Variants in MAN1B1 observed in about 807,000 individuals in gnomAD.
MAN1B1 encodes the protein endoplasmic reticulum mannosyl-oligosaccharide 1,2-alpha-mannosidase.
Under a neutral mutation model 75.5 loss-of-function variants are expected in MAN1B1, and 66 were observed. That is an observed-to-expected ratio of 0.87 (90% CI 0.72 to 1.07). The LOEUF is 1.07. Ranked by LOEUF, MAN1B1 falls within the 50% of genes least tolerant of loss-of-function variation. The pLI, the probability that MAN1B1 is intolerant of heterozygous loss-of-function variation, is 0.00. For missense variants in MAN1B1, 973 were observed against 912.5 expected (o/e 1.07, Z -0.85); for synonymous variants, 453 against 382.8 (o/e 1.18, Z -2.14).
chr9:137,104,541 C>T (rs866228576), intron 8 of MAN1B1: 22 of 183,190 alleles, frequency 1.2e-4, no homozygotes, highest in Admixed American at 2.7e-4. Context: ...CTGATTTATC[C>T]TTTTATTTGG....
intron 12 of MAN1B1, 74 bp from the exon 13 acceptor site, chr9:137,108,314 A>G (rs1438368666): frequency 7.7e-7 from 1 of 1,303,042 alleles, no homozygotes; most frequent in African/African-American, 1.5e-5. Context: ...TGGGGTGGAG[A>G]GCGCTTCGGT....
intron 8 of MAN1B1, chr9:137,103,246 G>C (rs1371037554): frequency 4.7e-6 from 2 of 424,806 alleles, no homozygotes; most frequent in Non-Finnish European, 4.6e-6. Context: ...TGTTGCAGGC[G>C]TGCAGGTCGG....
At chr9:137,102,554 A>C in intron 8 of MAN1B1, 1 of 352,244 alleles carries the variant, frequency 2.8e-6, no homozygotes, top group Non-Finnish European at 5.8e-6. Flanking sequence ...GGTGTTACAC[A>C]CATTCACGCT....
chr9:137,098,071 G>GTC, intron 5 of MAN1B1, 134 bp downstream of exon 5: 1 of 685,130 alleles, frequency 1.5e-6, no homozygotes, highest in Non-Finnish European at 2.6e-6. Context: ...TCCCCCTGTT[G>GTC]TCTGAGTCCT....
At chr9:137,091,558 CCT>C (rs1374994382) in intron 3 of MAN1B1, among the ~76,000 whole-genome samples, 1 of 119,788 alleles carries the variant, frequency 8.3e-6, no homozygotes, top group Non-Finnish European at 1.7e-5. Flanking sequence ...ACAGAGTCTT[CCT>C]CTGTTTCCCA....
chr9:137,106,886 A>AAGG, intron 10 of MAN1B1, 77 bp downstream of exon 10: 1 of 1,376,024 alleles, frequency 7.3e-7, no homozygotes. Context: ...ATGATGTCAA[A>AAGG]AAGAACGAAA....
rs76964626 is a variant in MAN1B1 at position 137,107,892 on chromosome 9, C to T, written c.1896+230C>T. 625 of 659,650 alleles carry T rather than the reference C, an allele frequency of 9.5e-4. 4 individuals are homozygous for T. In the African/African-American group the frequency reaches 0.011, roughly 11 times the overall value. 40.9% of individuals were successfully genotyped at this position (659,650 alleles called of 1,614,324 possible). ...CAGAGTACTTGGAGGGGCTGGGCAC[C>T]CCTCATTTTCATTTCTCAGGGCCTG... On this transcript the variant is annotated intron_variant, in intron 12 of 12. Transcript: ENST00000371589.
chr9:137,091,521 A>ATTTTTTTTTTTTTTT (rs964752016), intron 3 of MAN1B1, among the ~76,000 whole-genome samples: 51 of 89,868 alleles, frequency 5.7e-4, no homozygotes, highest in East Asian at 1.1e-3. Flanking sequence ...TTTGTTTTAT[A>ATTTTTTTTTTTTTTT]TTTTTTTTTT....
intron 8 of MAN1B1, chr9:137,103,401 G>T: frequency 4.4e-6 from 2 of 453,386 alleles, no homozygotes; most frequent in Non-Finnish European, 8.9e-6. Context: ...CAGGCGTGCA[G>T]GTCGGTGGTG....
rs1588651474 is a variant in MAN1B1, at chr9:137,106,406, T to A, written c.1445+91T>A. The A allele has an allele frequency of 1.3e-5, 16 of 1,190,032 alleles. No homozygotes were observed. The African/African-American group carries it at 1.8e-4, about 13-fold the overall frequency. 73.7% of individuals were successfully genotyped at this position (1,190,032 alleles called of 1,614,324 possible). On this transcript the variant is annotated intron_variant, in intron 9 of 12. Coordinates refer to ENST00000371589, the MANE Select transcript of MAN1B1 (RefSeq NM_016219.5). ...TGCCCCCAGCTCCCACGGCCCCCGC[T>A]CCTGCTGCCCCCCGCCACACTGTGT...
chr9:137,104,259 A>G, intron 8 of MAN1B1: 1 of 363,248 alleles, frequency 2.8e-6, no homozygotes, highest in South Asian at 2.1e-5. Context: ...TTGTTGAGAC[A>G]GAGTCTCATT....
chr9:137,088,365 T>C (rs778258651), intron 2 of MAN1B1, 182 bp downstream of exon 2: 53 of 1,591,308 alleles, frequency 3.3e-5, no homozygotes, highest in Non-Finnish European at 3.9e-5. Context: ...AGATGTTAAT[T>C]TGATGCTGTC....
chr9:137,098,068 G>A (rs1830706089), intron 5 of MAN1B1, 131 bp downstream of exon 5: 3 of 690,366 alleles, frequency 4.3e-6, no homozygotes, highest in Non-Finnish European at 7.7e-6. Context: ...GCATCCCCCT[G>A]TTGTCTGAGT....
In MAN1B1 at chr9:137,107,346, A is replaced by G; in HGVS notation, c.1663A>G (p.Thr555Ala). 6.2e-7 allele frequency: 1 copy of G among 1,613,218 alleles called. No homozygotes were observed. The highest frequency in any genetic ancestry group is 8.5e-7 in the Non-Finnish European group (1 of 1,179,962). The change falls in exon 11 of 13, where the codon ACT becomes GCT. Residue 555 changes from threonine (T) to alanine (A), a missense_variant. Physicochemically the swap from Thr to Ala is moderately conservative, Grantham distance 58. Transcript: ENST00000371589. ...GGAGCTGGCCCAGGAGCTCATGGAG[A>G]CTTGTTACCAGATGAACCGGCAGAT... ...HMELAQELME[T>A]CYQMNRQMET...
intron 1 of MAN1B1, 28 bp from the exon 2 acceptor site, chr9:137,088,047 G>T (rs769232907): frequency 3.9e-6 from 6 of 1,547,028 alleles, no homozygotes; most frequent in Non-Finnish European, 5.4e-6. Flanking sequence ...TATTCAGTAA[G>T]AAATGTCATT....
chr9:137,105,935 T>C (rs1467581488), intron 8 of MAN1B1, 190 bp from the exon 9 acceptor site: 2 of 698,000 alleles, frequency 2.9e-6, no homozygotes, highest in Non-Finnish European at 5.2e-6. Flanking sequence ...CACTGGTGGC[T>C]GTGTGGCTGT....
intron 8 of MAN1B1, chr9:137,105,709 G>T (rs980608578): frequency 2.8e-6 from 1 of 360,636 alleles, no homozygotes; most frequent in Non-Finnish European, 5.4e-6. Flanking sequence ...GAGCCGAGGC[G>T]TTTAATATCA....
chr9:137,108,814 G>T lies in MAN1B1; in HGVS notation c.*223G>T, dbSNP rs141959719. 1.8e-5 allele frequency: 12 copies of T among 684,752 alleles called. No individual in the cohort carries two copies. The South Asian group carries it at 1.8e-4, about 10-fold the overall frequency. 42.4% of individuals were successfully genotyped at this position (684,752 alleles called of 1,614,324 possible). Reference sequence around the variant, plus strand: ...GGTGGGCTGGGCCGCTGGAGCCTCCGCCTGCTTCCTCCAGAAGACACGAAT... The same window carrying T: ...GGTGGGCTGGGCCGCTGGAGCCTCCTCCTGCTTCCTCCAGAAGACACGAAT... On this transcript the variant is annotated 3_prime_UTR_variant, in exon 13 of 13. Coordinates refer to ENST00000371589, the MANE Select transcript of MAN1B1 (RefSeq NM_016219.5).
intron 5 of MAN1B1, among the ~76,000 whole-genome samples, chr9:137,098,866 ATG>A (rs1830729683): frequency 6.6e-6 from 1 of 152,034 alleles, no homozygotes; most frequent in African/African-American, 2.4e-5. Flanking sequence ...ATTTATATAT[ATG>A]TGTATATTTG....
Sources: gnomAD v4.1 joint callset for allele counts (sites outside exome capture counted in the v4.1 genomes callset) on GRCh38, gnomAD v4.1.1 for gene constraint, MANE v1.5 for transcripts, NCBI Gene and HGNC (gene_info 2026-07-23, HGNC 2026-07-21) for gene names.